Variants in TACR2 observed in about 807,000 individuals in gnomAD.
TACR2 encodes the protein tachykinin receptor 2.
In TACR2, 24 loss-of-function variants were observed where a neutral mutation model predicts 28.9. The observed-to-expected ratio is 0.83, with a 90% CI of 0.60 to 1.17. TACR2 has a LOEUF of 1.17. Among genes scored for constraint, TACR2 ranks in the 50% most tolerant of loss-of-function variants. The pLI is 0.00. For missense variants in TACR2, 487 were observed against 524.4 expected, an observed-to-expected ratio of 0.93 and a Z score of 0.70; for synonymous variants, 222 against 212.6, an observed-to-expected ratio of 1.04 and a Z score of -0.38.
chr10:69,415,868 C>T (rs1391461545), intron 1 of TACR2, 64 bp downstream of exon 1: 3 of 1,562,978 alleles, frequency 1.9e-6, no homozygotes, highest in East Asian at 4.5e-5. Flanking sequence ...GGCATGTCAC[C>T]ACCCTTATCT....
intron 3 of TACR2, 95 bp from the exon 4 acceptor site, chr10:69,407,375 G>A: frequency 2.4e-6 from 3 of 1,236,886 alleles, no homozygotes; most frequent in Non-Finnish European, 1.1e-6. Flanking sequence ...ACCCACCTGG[G>A]AACTGCTCCA....
intron 3 of TACR2, 64 bp downstream of exon 3, chr10:69,408,847 CATGAGGCCTCG>C: frequency 5.4e-6 from 1 of 185,836 alleles, no homozygotes; most frequent in South Asian, 1.4e-4. Context: ...GCCCCGCCCC[CATGAGGCCTCG>C]CCCCCGCCAG....
intron 2 of TACR2, among the ~76,000 whole-genome samples, chr10:69,410,904 G>A (rs979696119): frequency 1.1e-4 from 17 of 152,298 alleles, no homozygotes; most frequent in African/African-American, 3.8e-4. Flanking sequence ...TGCATCTGGG[G>A]TGTGAGAATG....
rs867599737 is a variant in TACR2, at chr10:69,404,101, T to C, written c.*725A>G. On this transcript the variant is annotated 3_prime_UTR_variant, in exon 5 of 5. Coordinates refer to ENST00000373306, the MANE Select transcript of TACR2 (RefSeq NM_001057.3). ...GAGGGTGGAAGTCAGTTGCCTTTTA[T>C]CATCACATTTGCAGTTTTTCTTTTA... 1.1e-4 allele frequency: 16 copies of C among 152,358 alleles called. No individual in the cohort carries two copies. Among genetic ancestry groups the C allele is most frequent in the African/African-American group, 3.8e-4 (16 of 41,594 alleles). The allele number at this position is 152,358 out of a possible 1,614,324, so 9.4% of individuals were successfully genotyped here.
intron 2 of TACR2, among the ~76,000 whole-genome samples, chr10:69,409,863 A>ATG (rs1178522505): frequency 3.4e-5 from 2 of 58,686 alleles, no homozygotes; most frequent in East Asian, 6.0e-4. Context: ...GTATATGTAT[A>ATG]TGTATATATA....
At chr10:69,412,099 C>A (rs1005121364) in intron 2 of TACR2, among the ~76,000 whole-genome samples, 1 of 152,198 alleles carries the variant, frequency 6.6e-6, no homozygotes, top group Non-Finnish European at 1.5e-5. Context: ...GGATTACAGG[C>A]GTGAGCCACC....
chr10:69,415,120 G>T lies in TACR2; in HGVS notation c.412C>A (p.Pro138Thr), dbSNP rs761569938. The T allele has an allele frequency of 4.3e-6, 7 of 1,611,978 alleles. No individual in the cohort carries two copies. In the African/African-American group the frequency reaches 8.0e-5, roughly 18 times the overall value. The change falls in exon 2 of 5, where the codon CCC becomes ACC. Residue 138 changes from proline to threonine, a missense_variant. Transcript: ENST00000373306. Reference sequence around the variant, plus strand: ...GGAGCTGAAAGCCGAGGCTGGAAGGGGTGGACGATGGCCATGTACCTGTGA... The same window carrying T: ...GGAGCTGAAAGCCGAGGCTGGAAGGTGTGGACGATGGCCATGTACCTGTGA... ...AADRYMAIVH[P>T]FQPRLSAPST...
chr10:69,407,403 C>T (rs1840512419), intron 3 of TACR2, 123 bp from the exon 4 acceptor site: 2 of 925,402 alleles, frequency 2.2e-6, no homozygotes, highest in Non-Finnish European at 3.2e-6. Context: ...ACCCCGTTAG[C>T]TCTATTACTC....
chr10:69,409,019 A>G lies in TACR2; in HGVS notation c.644T>C (p.Val215Ala), dbSNP rs1376048857. ...IYFLPLAVMF[V>A]AYSVIGLTLW... ...CGTGAGGCCGATGACGCTGTAGGCTACAAACATCACCGCGAGCGGCAGGAA... is the reference window on the plus strand; with the variant it reads ...CGTGAGGCCGATGACGCTGTAGGCTGCAAACATCACCGCGAGCGGCAGGAA... The change falls in exon 3 of 5, where the codon GTA becomes GCA. Residue 215 changes from valine (V) to alanine (A), a missense_variant. Transcript: ENST00000373306. 19 of 1,608,116 alleles carry G rather than the reference A, an allele frequency of 1.2e-5. No homozygotes were observed. Among genetic ancestry groups the G allele is most frequent in the Non-Finnish European group, 1.5e-5 (18 of 1,178,622 alleles).
At chr10:69,415,242 T>C in intron 1 of TACR2, 103 bp from the exon 2 acceptor site, 1 of 1,232,860 alleles carries the variant, frequency 8.1e-7, no homozygotes, top group Non-Finnish European at 1.1e-6. Flanking sequence ...CTTCTAGCCA[T>C]TCCCCGCACT....
chr10:69,411,875 A>G (rs1370098412), intron 2 of TACR2, among the ~76,000 whole-genome samples: 1 of 152,182 alleles, frequency 6.6e-6, no homozygotes, highest in Non-Finnish European at 1.5e-5. Flanking sequence ...CTTGTTGCCC[A>G]GGCTGGAGTG....
chr10:69,414,042 C>T (rs967754231), intron 2 of TACR2, among the ~76,000 whole-genome samples: 3 of 152,188 alleles, frequency 2.0e-5, no homozygotes, highest in Non-Finnish European at 4.4e-5. Context: ...CTGACTGAGC[C>T]CAGAACCCCA....
intron 2 of TACR2, among the ~76,000 whole-genome samples, chr10:69,411,190 T>G (rs1227958): frequency 6.6e-6 from 1 of 152,182 alleles, no homozygotes; most frequent in African/African-American, 2.4e-5. Flanking sequence ...ATGCTAGGCT[T>G]GCTGCGCCCC....
intron 3 of TACR2, 27 bp from the exon 4 acceptor site, chr10:69,407,307 T>G: frequency 6.3e-7 from 1 of 1,588,052 alleles, no homozygotes; most frequent in Non-Finnish European, 8.6e-7. Flanking sequence ...TCAAGTTACT[T>G]CTTAGTGCCC....
At chr10:69,414,300 G>C (rs1435471015) in intron 2 of TACR2, among the ~76,000 whole-genome samples, 1 of 152,206 alleles carries the variant, frequency 6.6e-6, no homozygotes, top group African/African-American at 2.4e-5. Flanking sequence ...CTGCCGCTTT[G>C]TGGCCTGAGC....
chr10:69,415,984 T>C lies in TACR2; in HGVS notation c.340A>G (p.Ile114Val), dbSNP rs899488992. 3.7e-6 allele frequency: 6 copies of C among 1,614,006 alleles called. No homozygotes were observed. In the East Asian group the frequency reaches 1.1e-4, roughly 30 times the overall value. ...TAGATGCTGACAAACATGGCTGTGA[T>C]GGGGAAGAGGTTCTGGAAGTAGCAG... ...AFCYFQNLFP[I>V]TAMFVSIYSM... The change falls in exon 1 of 5, where the codon ATC (isoleucine) becomes GTC (valine). Residue 114 changes from isoleucine to valine, a missense_variant. Transcript: ENST00000373306.
chr10:69,414,273 C>T (rs1305241161), intron 2 of TACR2, among the ~76,000 whole-genome samples: 2 of 152,212 alleles, frequency 1.3e-5, no homozygotes, highest in African/African-American at 2.4e-5. Flanking sequence ...ATCATGGACT[C>T]GTTCTGCCTC....
intron 3 of TACR2, 37 bp from the exon 4 acceptor site, chr10:69,407,317 C>A: frequency 6.3e-7 from 1 of 1,576,106 alleles, no homozygotes; most frequent in South Asian, 1.2e-5. Context: ...TCTTAGTGCC[C>A]AAGCCCCAGC....
intron 2 of TACR2, among the ~76,000 whole-genome samples, chr10:69,409,890 C>CGT (rs1554827785): frequency 8.5e-5 from 3 of 35,350 alleles, no homozygotes; most frequent in South Asian, 9.9e-4. Flanking sequence ...TACATATATA[C>CGT]ATATATATAT....
Sources: allele counts gnomAD v4.1 joint callset (sites outside exome capture counted in the v4.1 genomes callset), GRCh38; gene constraint gnomAD v4.1.1; transcripts MANE v1.5; gene names NCBI Gene and HGNC (gene_info 2026-07-23, HGNC 2026-07-21).